LINGO2: variants seen among roughly 807,000 people sequenced by gnomAD.
LINGO2 encodes leucine rich repeat and Ig domain containing 2.
LINGO2 carries 14 observed loss-of-function variants against 30.6 expected under a neutral mutation model. That is an observed-to-expected ratio of 0.46 (90% CI 0.30 to 0.72). The LOEUF (loss-of-function observed/expected upper bound fraction) is 0.72, where lower values mean the gene tolerates loss of function less well. Among genes scored for constraint, LINGO2 ranks in the 30% least tolerant of loss-of-function variants. The probability of loss-of-function intolerance (pLI) is 0.07; values close to 1 mark genes in which losing one functional copy is unlikely to be tolerated. For synonymous variants in LINGO2, 317 were observed against 288.5 expected (o/e 1.10, Z -1.00); for missense variants, 729 against 751.7 (o/e 0.97, Z 0.35).
intron 4 of LINGO2, among the ~76,000 whole-genome samples, chr9:28,043,606 G>C (rs930591111): frequency 2.0e-5 from 3 of 152,134 alleles, no homozygotes; most frequent in African/African-American, 4.8e-5. Flanking sequence ...TTTATGGAAA[G>C]TTTCAAACAT....
intron 1 of LINGO2, among the ~76,000 whole-genome samples, chr9:28,599,804 C>G (rs748864028): frequency 6.6e-6 from 1 of 151,982 alleles, no homozygotes; most frequent in Non-Finnish European, 1.5e-5. Flanking sequence ...TTTATAGAAA[C>G]GCTTTTTCTA....
At chr9:28,781,113 T>C in the LINGO2 span, among the ~76,000 whole-genome samples, 2 of 152,104 alleles carry the variant, frequency 1.3e-5, no homozygotes, top group Non-Finnish European at 2.9e-5. Context: ...CATGAGGTTT[T>C]TGAGGCTCAG....
At chr9:28,883,628 G>GTGTGTATGTATGTATATATATA in the LINGO2 span, among the ~76,000 whole-genome samples, 2 of 64,180 alleles carry the variant, frequency 3.1e-5, no homozygotes, top group Admixed American at 2.0e-4. Flanking sequence ...ATGTGTGTGT[G>GTGTGTATGTATGTATATATATA]TATATATATA....
At chr9:28,842,778 T>C in the LINGO2 span, among the ~76,000 whole-genome samples, 1 of 151,826 alleles carries the variant, frequency 6.6e-6, no homozygotes, top group East Asian at 1.9e-4. Flanking sequence ...CCTCTCTGAG[T>C]CTCAATAAGC....
chr9:28,344,379 T>A (rs1249240851), intron 3 of LINGO2, among the ~76,000 whole-genome samples: 3 of 152,144 alleles, frequency 2.0e-5, no homozygotes, highest in African/African-American at 7.2e-5. Context: ...ATGGTTATGT[T>A]ATTAAGTGAA....
rs180684412 is a variant in LINGO2 at position 28,140,942 on chromosome 9, A to G, written c.-86-128537T>C. ...ACTTAATATAATCTTTACTTAATAT[A>G]ATATAAATAATATATACTTAATATT... On this transcript the variant is annotated intron_variant, in intron 4 of 5. Coordinates refer to ENST00000379992, the Ensembl canonical transcript of LINGO2. Among the ~76,000 whole-genome samples the G allele has an allele frequency of 2.3e-3, 347 of 149,914 alleles. 2 individuals are homozygous for G. The highest frequency in any genetic ancestry group is 8.1e-3 in the African/African-American group (334 of 41,124).
intron 4 of LINGO2, among the ~76,000 whole-genome samples, chr9:28,182,073 G>T (rs1459763332): frequency 2.0e-5 from 3 of 152,006 alleles, no homozygotes; most frequent in African/African-American, 7.2e-5. Flanking sequence ...ATACTACAAG[G>T]CTACAGTAAC....
intron 1 of LINGO2, among the ~76,000 whole-genome samples, chr9:28,604,107 T>A (rs1825605595): frequency 1.3e-5 from 2 of 152,012 alleles, no homozygotes; most frequent in Admixed American, 1.3e-4. Flanking sequence ...TATGCCTTAA[T>A]TCCAGGTGGC....
At chr9:28,848,345 T>C in the LINGO2 span, among the ~76,000 whole-genome samples, 1 of 116,566 alleles carries the variant, frequency 8.6e-6, no homozygotes, top group Non-Finnish European at 1.7e-5. Flanking sequence ...ATATAGTGTA[T>C]ATATATATAC....
At chr9:28,676,173 T>C in the LINGO2 span, among the ~76,000 whole-genome samples, 1 of 151,548 alleles carries the variant, frequency 6.6e-6, no homozygotes, top group Non-Finnish European at 1.5e-5. Flanking sequence ...AAAATAGCTT[T>C]ATAAATTCTT....
At chr9:29,107,983 C>T in the LINGO2 span, among the ~76,000 whole-genome samples, 1 of 151,396 alleles carries the variant, frequency 6.6e-6, no homozygotes, top group African/African-American at 2.4e-5. Context: ...AAAAGGAAAA[C>T]ATAGGCAGCT....
At chr9:28,822,537 T>A in the LINGO2 span, among the ~76,000 whole-genome samples, 1 of 151,796 alleles carries the variant, frequency 6.6e-6, no homozygotes, top group Non-Finnish European at 1.5e-5. Context: ...AGATCTGCCT[T>A]TAATCTGGGC....
the LINGO2 span, among the ~76,000 whole-genome samples, chr9:28,943,214 T>A: frequency 6.6e-6 from 1 of 152,158 alleles, no homozygotes; most frequent in African/African-American, 2.4e-5. Flanking sequence ...GCATTCTTTG[T>A]AGAATAATTG....
chr9:29,039,149 A>C, the LINGO2 span, among the ~76,000 whole-genome samples: 6 of 152,166 alleles, frequency 3.9e-5, no homozygotes, highest in Admixed American at 6.6e-5. Flanking sequence ...AGATCTTAAA[A>C]TGGGCTTGTG....
At chr9:28,953,886 C>A in the LINGO2 span, among the ~76,000 whole-genome samples, 1 of 152,020 alleles carries the variant, frequency 6.6e-6, no homozygotes, top group African/African-American at 2.4e-5. Flanking sequence ...GTGAATGGAT[C>A]CTTTATCTAT....
chr9:29,197,611 A>C, the LINGO2 span, among the ~76,000 whole-genome samples: 1 of 152,102 alleles, frequency 6.6e-6, no homozygotes, highest in African/African-American at 2.4e-5. Context: ...AAAATGCAGC[A>C]ACTCCTTTCA....
intron 3 of LINGO2, among the ~76,000 whole-genome samples, chr9:28,369,516 CA>C (rs2134559216): frequency 6.6e-6 from 1 of 152,296 alleles, no homozygotes; most frequent in African/African-American, 2.4e-5. Flanking sequence ...GATTTACTGA[CA>C]TTTGGGTACA....
chr9:28,661,918 T>G (rs1828600223), intron 1 of LINGO2, among the ~76,000 whole-genome samples: 1 of 152,098 alleles, frequency 6.6e-6, no homozygotes, highest in East Asian at 1.9e-4. Context: ...TTTAACAAAG[T>G]CATCAAGGTA....
chr9:29,005,673 T>C, the LINGO2 span, among the ~76,000 whole-genome samples: 2 of 151,986 alleles, frequency 1.3e-5, no homozygotes, highest in Admixed American at 1.3e-4. Flanking sequence ...CATACTCAAA[T>C]CTTGCAGTGG....
Sources: allele counts gnomAD v4.1 joint callset (sites outside exome capture counted in the v4.1 genomes callset), GRCh38; gene constraint gnomAD v4.1.1; transcripts MANE v1.5; gene names NCBI Gene and HGNC (gene_info 2026-07-23, HGNC 2026-07-21).